The following TPP2 variants were observed in gnomAD, a reference collection of about 807,000 sequenced individuals.
The protein encoded by TPP2 is tripeptidyl peptidase 2.
A neutral mutation model predicts 155.9 loss-of-function variants in TPP2; 34 were observed. That is an observed-to-expected ratio of 0.22 (90% CI 0.17 to 0.29). The LOEUF is 0.29. TPP2 is among the 10% of genes least tolerant of loss of function. The pLI is 1.00. For synonymous variants in TPP2, 510 were observed against 529.4 expected (o/e 0.96, Z 0.50); for missense variants, 1,028 against 1,522.3 (o/e 0.68, Z 5.40).
At chr13:102,633,928 A>G in intron 10 of TPP2, 22 bp from the exon 11 acceptor site, 1 of 1,613,274 alleles carries the variant, frequency 6.2e-7, no homozygotes, top group East Asian at 2.2e-5. Context: ...TCCTAAGCAA[A>G]CTTCAATGGC....
chr13:102,655,575 C>G (rs1883801044), intron 24 of TPP2, among the ~76,000 whole-genome samples: 1 of 152,198 alleles, frequency 6.6e-6, no homozygotes, highest in Admixed American at 6.5e-5. Flanking sequence ...TTACCTTTCA[C>G]AAGTCAAGAC....
chr13:102,675,814 A>T (rs748719000), intron 28 of TPP2, among the ~76,000 whole-genome samples: 40 of 152,320 alleles, frequency 2.6e-4, no homozygotes, highest in Non-Finnish European at 4.1e-4. Context: ...TACATTCTCC[A>T]CATTCCAAAG....
intron 5 of TPP2, among the ~76,000 whole-genome samples, chr13:102,620,464 A>G (rs1237283941): frequency 6.6e-6 from 1 of 152,182 alleles, no homozygotes; most frequent in Non-Finnish European, 1.5e-5. Context: ...CAGAGATCCA[A>G]AATTTTTTGA....
chr13:102,664,352 T>C (rs1458740135), intron 26 of TPP2, among the ~76,000 whole-genome samples: 5 of 152,212 alleles, frequency 3.3e-5, no homozygotes, highest in South Asian at 2.1e-4. Flanking sequence ...TCTTTGTGTT[T>C]TTCATGATGG....
At chr13:102,646,624 T>G (rs375128476) in intron 20 of TPP2, among the ~76,000 whole-genome samples, 1 of 152,224 alleles carries the variant, frequency 6.6e-6, no homozygotes, top group Non-Finnish European at 1.5e-5. Flanking sequence ...AGCCTTAGTT[T>G]ATAAAATCAC....
chr13:102,627,314 T>A, intron 7 of TPP2, 148 bp downstream of exon 7: 1 of 600,200 alleles, frequency 1.7e-6, no homozygotes, highest in Non-Finnish European at 2.4e-6. Flanking sequence ...ATTTACTAAT[T>A]TATTTTTAAA....
intron 25 of TPP2, among the ~76,000 whole-genome samples, chr13:102,658,306 G>C (rs1188304884): frequency 6.6e-6 from 1 of 152,156 alleles, no homozygotes; most frequent in Non-Finnish European, 1.5e-5. Flanking sequence ...ATATTTCCCA[G>C]AGATTGAACC....
intron 24 of TPP2, chr13:102,654,966 C>G (rs1329360831): frequency 4.0e-6 from 2 of 505,648 alleles, no homozygotes; most frequent in African/African-American, 3.9e-5. Flanking sequence ...AGAGCTAGCC[C>G]AAGCAATAGA....
At position 102,657,163 on chromosome 13, in the gene TPP2, G is replaced by A. The variant is rs983408849; in HGVS notation, c.3099G>A (p.Glu1033=). 3.6e-5 allele frequency: 58 copies of A among 1,592,446 alleles called. No individual in the cohort carries two copies. The highest frequency in any genetic ancestry group is 4.9e-5 in the Non-Finnish European group (58 of 1,174,430). The part of the protein sequence containing the change: ...DSEKEKDLKE[E]FTEALRDLKI... ...AAAAAGAGAAAGATTTAAAAGAAGA[G>A]TTTACTGAAGCATTACGAGATCTTA... Residue 1033 remains glutamate, a synonymous_variant, in exon 25 of 30, where the codon GAG becomes GAA. Transcript: ENST00000376052.
rs1168570617 is a variant in TPP2, at chr13:102,674,478, C to A, written c.3567C>A (p.Leu1189=). The change falls in exon 28 of 30, where the codon CTC becomes CTA. Residue 1189 remains leucine, a synonymous_variant. Coordinates refer to ENST00000376052, the MANE Select transcript of TPP2 (RefSeq NM_001330588.2). The part of the protein sequence containing the change: ...TFWETTKWTD[L]FDNKVLTFAY... ...GGGAAACTACTAAATGGACTGATCT[C>A]TTTGACAATAAGGTAACGTTTCTGC... 1.2e-6 allele frequency: 2 copies of A among 1,613,536 alleles called. No individual in the cohort carries two copies. Among genetic ancestry groups the A allele is most frequent in the East Asian group, 4.5e-5 (2 of 44,870 alleles).
chr13:102,653,872 A>G (rs1883671791), intron 24 of TPP2, among the ~76,000 whole-genome samples: 1 of 152,216 alleles, frequency 6.6e-6, no homozygotes, highest in Non-Finnish European at 1.5e-5. Flanking sequence ...TTGCCCAAAG[A>G]GTAGTTATTG....
intron 1 of TPP2, among the ~76,000 whole-genome samples, chr13:102,600,789 C>A (rs1879373302): frequency 2.6e-5 from 4 of 151,902 alleles, no homozygotes; most frequent in Non-Finnish European, 1.5e-5. Flanking sequence ...AATTTTATTA[C>A]CTCTCTTTCA....
chr13:102,643,697 G>T (rs998883012), intron 17 of TPP2, among the ~76,000 whole-genome samples: 1 of 152,140 alleles, frequency 6.6e-6, no homozygotes, highest in African/African-American at 2.4e-5. Flanking sequence ...TTTAAGACCT[G>T]TTTGCTTGTC....
rs1883471392 is a variant in TPP2, at chr13:102,651,294, A to T, written c.2953-65A>T. On this transcript the variant is annotated intron_variant, in intron 23 of 29. Coordinates refer to ENST00000376052, the MANE Select transcript of TPP2 (RefSeq NM_001330588.2). ...CATAAACTGAAAGACAATTAGACAG[A>T]GGTTCTGTCTCCATCCTGTGTAGAT... 6 of 1,521,740 alleles carry T rather than the reference A, an allele frequency of 3.9e-6. No homozygotes were observed. The South Asian group carries it at 7.4e-5, about 19-fold the overall frequency. The allele number at this position is 1,521,740 out of a possible 1,614,324, so 94.3% of individuals were successfully genotyped here.
intron 2 of TPP2, among the ~76,000 whole-genome samples, chr13:102,609,343 T>C (rs977656141): frequency 6.7e-6 from 1 of 149,202 alleles, no homozygotes; most frequent in African/African-American, 2.5e-5. Flanking sequence ...ACATGTCTTC[T>C]CATCATGATA....
intron 14 of TPP2, 149 bp downstream of exon 14, chr13:102,637,388 G>A: frequency 1.2e-6 from 1 of 832,776 alleles, no homozygotes; most frequent in Non-Finnish European, 1.8e-6. Flanking sequence ...TTCTTCTGGT[G>A]TGTCTATATT....
intron 5 of TPP2, among the ~76,000 whole-genome samples, chr13:102,621,489 A>G (rs9300751): frequency 0.49 from 75,166 of 151,912 alleles, 19,004 homozygotes; most frequent in African/African-American, 0.6. Flanking sequence ...AGAGGTAGAA[A>G]GGGTGGGGGA....
rs1478294090 is a variant in TPP2, at chr13:102,638,197, A to G, written c.1837-42A>G. ...TAGACCTTCCCCCGCTCTTTTAAAC[A>G]TTTGTTTATGGATATTGACACTTAC... is the stretch of plus-strand genomic sequence containing the variant. On this transcript the variant is annotated intron_variant, in intron 14 of 29. Coordinates refer to ENST00000376052, the MANE Select transcript of TPP2 (RefSeq NM_001330588.2). 3.2e-6 allele frequency: 5 copies of G among 1,572,346 alleles called. No individual in the cohort carries two copies. In the Admixed American group the frequency reaches 8.3e-5, roughly 26 times the overall value.
intron 20 of TPP2, 115 bp from the exon 21 acceptor site, chr13:102,647,092 C>T: frequency 7.7e-7 from 1 of 1,294,934 alleles, no homozygotes; most frequent in Non-Finnish European, 1.0e-6. Context: ...TTTTTTACCA[C>T]AAGTATTTTT....
Sources: allele counts gnomAD v4.1 joint callset (sites outside exome capture counted in the v4.1 genomes callset), GRCh38; gene constraint gnomAD v4.1.1; transcripts MANE v1.5; gene names NCBI Gene and HGNC (gene_info 2026-07-23, HGNC 2026-07-21).